GABRA1: variants seen among roughly 807,000 people sequenced by gnomAD.
GABRA1 encodes gamma-aminobutyric acid receptor subunit alpha-1.
GABRA1 carries 9 observed loss-of-function variants against 48.9 expected under a neutral mutation model. That is an observed-to-expected ratio of 0.18 (90% CI 0.11 to 0.32). The LOEUF (loss-of-function observed/expected upper bound fraction) is 0.32. Ranked by LOEUF, GABRA1 falls within the 10% of genes least tolerant of loss-of-function variation. The pLI is 1.00. For synonymous variants in GABRA1, 210 were observed against 198.7 expected (o/e 1.06, Z -0.48); for missense variants, 285 against 553.8 (o/e 0.51, Z 4.87).
In GABRA1 at chr5:161,897,222, A is replaced by G. The variant is rs2113469926; in HGVS notation, c.1171A>G (p.Lys391Glu). 1.9e-6 allele frequency: 3 copies of G among 1,614,190 alleles called. No individual in the cohort carries two copies. Among genetic ancestry groups the G allele is most frequent in the Middle Eastern group, 1.6e-4 (1 of 6,062 alleles). The stretch of plus-strand genomic sequence containing the variant: ...CGACCCGGGCTTAGCCACCATTGCT[A>G]AAAGTGCAACCATAGAACCTAAAGA... ...RGDPGLATIA[K>E]SATIEPKEVK... The change falls in exon 10 of 10, where the codon AAA becomes GAA. Residue 391 changes from lysine (K) to glutamate (E), a missense_variant. Lys to Glu is a moderately conservative substitution (Grantham distance 56). This residue lies in a region of GABRA1 where 99 missense variants were observed against 94.2 expected (regional missense o/e 1.05). Coordinates refer to ENST00000393943, the MANE Select transcript of GABRA1 (RefSeq NM_001127644.2).
At chr5:161,860,503 G>A (rs920671516) in intron 3 of GABRA1, among the ~76,000 whole-genome samples, 1 of 151,552 alleles carries the variant, frequency 6.6e-6, no homozygotes, top group Admixed American at 6.6e-5. Flanking sequence ...GGAGGGAGGT[G>A]GGGATGGTTA....
intron 4 of GABRA1, among the ~76,000 whole-genome samples, chr5:161,869,527 A>G (rs551291362): frequency 1.3e-5 from 2 of 152,320 alleles, no homozygotes; most frequent in African/African-American, 4.8e-5. Flanking sequence ...CAAACAGAAC[A>G]TTCCCAGGGC....
At chr5:161,878,154 G>C (rs553465688) in intron 6 of GABRA1, among the ~76,000 whole-genome samples, 1 of 152,154 alleles carries the variant, frequency 6.6e-6, no homozygotes, top group African/African-American at 2.4e-5. Flanking sequence ...ATGGATAAAG[G>C]TTACAAGACT....
chr5:161,882,435 A>G, intron 6 of GABRA1, 123 bp from the exon 7 acceptor site: 1 of 937,560 alleles, frequency 1.1e-6, no homozygotes, highest in South Asian at 1.4e-5. Context: ...ACATAAGCTC[A>G]TCTTTCCTAG....
rs1258699420 is a variant in GABRA1 at position 161,854,143 on chromosome 5, T to C, written c.75-15T>C. 7 of 1,324,318 alleles carry C rather than the reference T, an allele frequency of 5.3e-6. No individual in the cohort carries two copies. The highest frequency in any genetic ancestry group is 6.5e-6 in the Non-Finnish European group (6 of 918,790). The allele number at this position is 1,324,318 out of a possible 1,614,324, so 82.0% of individuals were successfully genotyped here. A position where few individuals can be genotyped will look rare whatever the true frequency, so the allele number is the denominator to read the frequency against. ...GTATAATTTAGCTATTGCTTCTCTT[T>C]ATGTTTTTTTTCAGCTATGGACAGC... On this transcript the variant is annotated splice_polypyrimidine_tract_variant and intron_variant, in intron 2 of 9. Transcript: ENST00000393943.
At chr5:161,894,672 T>C (rs1755277999) in intron 8 of GABRA1, among the ~76,000 whole-genome samples, 1 of 151,792 alleles carries the variant, frequency 6.6e-6, no homozygotes, top group Non-Finnish European at 1.5e-5. Context: ...TTTAACATTT[T>C]TATATGGTTT....
chr5:161,882,389 A>T (rs1046555591), intron 6 of GABRA1, 169 bp from the exon 7 acceptor site: 12 of 621,230 alleles, frequency 1.9e-5, no homozygotes, highest in Non-Finnish European at 3.0e-5. Flanking sequence ...AAAAAAAAAA[A>T]TCAGAAAACG....
intron 1 of GABRA1, chr5:161,849,046 G>A (rs1757334926): frequency 2.2e-6 from 1 of 449,260 alleles, no homozygotes; most frequent in Non-Finnish European, 4.5e-6. Flanking sequence ...GTAACGTTTG[G>A]AGCGTGTGTC....
chr5:161,851,413 A>G (rs1334377412), intron 2 of GABRA1, among the ~76,000 whole-genome samples: 2 of 152,158 alleles, frequency 1.3e-5, no homozygotes, highest in Admixed American at 1.3e-4. Flanking sequence ...TGAGACAAAT[A>G]TTTAAGAACT....
In GABRA1 at chr5:161,875,312, A is replaced by G. The variant is rs753513458; in HGVS notation, c.477-248A>G. Among the ~76,000 whole-genome samples the G allele has an allele frequency of 7.9e-5, 12 of 152,298 alleles. No homozygotes were observed. In the South Asian group the frequency reaches 8.3e-4, roughly 11 times the overall value. ...TTAATGGTCGTTTTGGAAAATATTA[A>G]CAAGGCTTGCCCATTGTACAATATC... is the stretch of plus-strand genomic sequence containing the variant. On this transcript the variant is annotated intron_variant, in intron 5 of 9. Transcript: ENST00000393943.
At chr5:161,893,142 C>A (rs1320247018) in intron 8 of GABRA1, among the ~76,000 whole-genome samples, 1 of 150,770 alleles carries the variant, frequency 6.6e-6, no homozygotes, top group African/African-American at 2.4e-5. Flanking sequence ...GGTGATTTAC[C>A]CCTTCCCACA....
rs1581211155 is a variant in GABRA1 at position 161,886,855 on chromosome 5, G to A, written c.704-4043G>A. Among the ~76,000 whole-genome samples, 3 of 152,122 alleles carry A rather than the reference G, an allele frequency of 2.0e-5. No individual in the cohort carries two copies. In the East Asian group the frequency reaches 5.8e-4, roughly 29 times the overall value. On this transcript the variant is annotated intron_variant, in intron 7 of 9. Coordinates refer to ENST00000393943, the MANE Select transcript of GABRA1 (RefSeq NM_001127644.2). ...CATGATGGCATAAAGGAGGAAGGGG[G>A]TCATTTCTACTTGATGTGTCAAGGG...
intron 8 of GABRA1, 82 bp downstream of exon 8, chr5:161,891,132 A>G: frequency 2.6e-6 from 3 of 1,161,958 alleles, no homozygotes; most frequent in Non-Finnish European, 3.8e-6. Flanking sequence ...AAAGAGAAAT[A>G]AAAAAAAATA....
At chr5:161,852,717 T>C (rs1444468434) in intron 2 of GABRA1, among the ~76,000 whole-genome samples, 3 of 151,934 alleles carry the variant, frequency 2.0e-5, no homozygotes, top group African/African-American at 7.2e-5. Flanking sequence ...ATGTTGAAAT[T>C]AGGAGAATGA....
intron 3 of GABRA1, among the ~76,000 whole-genome samples, chr5:161,864,293 G>A (rs941853066): frequency 3.3e-5 from 5 of 151,900 alleles, no homozygotes; most frequent in South Asian, 2.1e-4. Flanking sequence ...ACGCTGGTGC[G>A]CTGCACCCAC....
At chr5:161,855,425 T>G (rs1039406203) in intron 3 of GABRA1, among the ~76,000 whole-genome samples, 4 of 151,566 alleles carry the variant, frequency 2.6e-5, no homozygotes, top group Non-Finnish European at 5.9e-5. Flanking sequence ...CAAATATATG[T>G]CAAAGGTCTT....
At chr5:161,881,372 T>C (rs1449817096) in intron 6 of GABRA1, among the ~76,000 whole-genome samples, 3 of 152,178 alleles carry the variant, frequency 2.0e-5, no homozygotes, top group East Asian at 1.9e-4. Flanking sequence ...TTCCTTTTCC[T>C]TCTCTTTCTC....
intron 4 of GABRA1, among the ~76,000 whole-genome samples, chr5:161,870,243 C>T (rs1173822829): frequency 6.6e-6 from 1 of 152,072 alleles, no homozygotes; most frequent in Non-Finnish European, 1.5e-5. Flanking sequence ...CTGCTGCTCG[C>T]CTCTCTCTTT....
At chr5:161,870,944 CTCTG>C (rs1337777033) in intron 4 of GABRA1, among the ~76,000 whole-genome samples, 1 of 128,152 alleles carries the variant, frequency 7.8e-6, no homozygotes, top group African/African-American at 3.0e-5. Flanking sequence ...GCGAGTGTTG[CTCTG>C]TGTGTGTGTG....
Sources: gnomAD v4.1 joint callset for allele counts (sites outside exome capture counted in the v4.1 genomes callset) on GRCh38, gnomAD v4.1.1 for gene constraint, gnomAD v4.1.1 regional missense constraint, MANE v1.5 for transcripts, NCBI Gene and HGNC (gene_info 2026-07-23, HGNC 2026-07-21) for gene names.